RLIM: variants seen among roughly 807,000 people sequenced by gnomAD.
RLIM encodes ring finger protein, LIM domain interacting.
In RLIM, 2 loss-of-function variants were observed where a neutral mutation model predicts 34.0. That is an observed-to-expected ratio of 0.06 (90% confidence interval 0.02 to 0.19). The LOEUF (loss-of-function observed/expected upper bound fraction) is 0.19. Among genes scored for constraint, RLIM ranks in the 10% least tolerant of loss-of-function variants. The probability of loss-of-function intolerance (pLI) is 1.00; values close to 1 mark genes in which losing one functional copy is unlikely to be tolerated. For missense variants in RLIM, 286 were observed against 479.7 expected, an observed-to-expected ratio of 0.60 and a Z score of 3.77; for synonymous variants, 169 against 164.0, an observed-to-expected ratio of 1.03 and a Z score of -0.23.
rs777440051 is a variant in RLIM at position 74,594,328 on chromosome X, C to T, written c.231G>A (p.Pro77=). 2.7e-5 allele frequency: 33 copies of T among 1,206,134 alleles called. No homozygotes were observed. The South Asian group carries it at 3.8e-4, about 14-fold the overall frequency. Residue 77 remains proline, a synonymous_variant, in exon 3 of 4, where the codon CCG becomes CCA. Transcript: ENST00000332687. ...RLQQIKEGPP[P]QNSDENRGGD... ...TACCTCTATTTTCATCTGAGTTTTG[C>T]GGTGGTGGGCCTTCTTTAATTTGCT...
chrX:74,596,664 G>A (rs1010189169), intron 1 of RLIM, among the ~76,000 whole-genome samples: 1 of 112,219 alleles, frequency 8.9e-6, no homozygotes, highest in Admixed American at 9.5e-5. Context: ...TTATTGGAAC[G>A]CAGCCATACA....
In RLIM at chrX:74,592,140, G is replaced by C. The variant is rs2079618950; in HGVS notation, c.1175C>G (p.Thr392Ser). The C allele has an allele frequency of 1.7e-6, 2 of 1,209,393 alleles. No homozygotes were observed. The highest frequency in any genetic ancestry group is 3.5e-5 in the African/African-American group (2 of 57,221). ...AACAGATGTAGTCTCACTTAAACCA[G>C]TATTTAAGATTCTACGAATGGGAAT... is the stretch of plus-strand genomic sequence containing the variant. ...IRIPIRRILN[T>S]GLSETTSVAI... is the part of the protein sequence containing the mutation. The change falls in exon 4 of 4, where the codon ACT (threonine) becomes AGT (serine). Residue 392 changes from threonine (T) to serine (S), a missense_variant. Coordinates refer to ENST00000332687, the MANE Select transcript of RLIM (RefSeq NM_016120.4).
At chrX:74,603,623 T>C (rs1051583994) in intron 1 of RLIM, among the ~76,000 whole-genome samples, 6 of 111,915 alleles carry the variant, frequency 5.4e-5, no homozygotes, top group African/African-American at 2.0e-4. Context: ...GATATTTAAA[T>C]GACTGAAAGA....
chrX:74,602,721 C>T (rs1292823179), intron 1 of RLIM, among the ~76,000 whole-genome samples: 3 of 111,010 alleles, frequency 2.7e-5, no homozygotes, highest in East Asian at 2.8e-4. Context: ...TGGGAGATCC[C>T]GTCTCAAAAA....
Position 74,592,895 on chromosome X carries a change from C to T in RLIM, c.420G>A (p.Glu140=). 1 of 1,211,632 alleles carries T rather than the reference C, an allele frequency of 8.3e-7. No individual in the cohort carries two copies. The highest frequency in any genetic ancestry group is 1.1e-6 in the Non-Finnish European group (1 of 895,286). ...PNSGDFRFSL[E]INVNRNNGSQ... ...TCCCATTATTACGGTTAACATTTAT[C>T]TCTAAACTGAATCTGAAATCACCAC... The change falls in exon 4 of 4, where the codon GAG becomes GAA. Residue 140 remains glutamate, a synonymous_variant. Coordinates refer to ENST00000332687, the MANE Select transcript of RLIM (RefSeq NM_016120.4).
intron 1 of RLIM, among the ~76,000 whole-genome samples, chrX:74,599,422 C>T (rs1472628245): frequency 8.9e-6 from 1 of 111,833 alleles, no homozygotes; most frequent in Non-Finnish European, 1.9e-5. Context: ...TTATGTTCCC[C>T]ACGAACACAA....
intron 1 of RLIM, among the ~76,000 whole-genome samples, chrX:74,603,199 C>T (rs1000541957): frequency 1.8e-5 from 2 of 110,625 alleles, no homozygotes; most frequent in Non-Finnish European, 3.8e-5. Flanking sequence ...AAGCTACATA[C>T]TCCAGTGACA....
intron 1 of RLIM, among the ~76,000 whole-genome samples, chrX:74,600,776 C>T (rs767762986): frequency 2.9e-5 from 3 of 102,468 alleles, no homozygotes; most frequent in South Asian, 4.6e-4. Context: ...CTCTGGGAGG[C>T]GGAGGCAGGT....
In RLIM at chrX:74,583,105, C is replaced by T; in HGVS notation, c.*8335G>A. ...GATCAATTTTAAACAGTTGGAACAC[C>T]GGTGGCACTGTTAACTGCTTTCTGG... On this transcript the variant is annotated 3_prime_UTR_variant, in exon 4 of 4. Coordinates refer to ENST00000332687, the MANE Select transcript of RLIM (RefSeq NM_016120.4). The T allele has an allele frequency of 9.3e-6, 11 of 1,178,396 alleles. No homozygotes were observed. The highest frequency in any genetic ancestry group is 3.0e-5 in the East Asian group (1 of 33,796).
At chrX:74,599,439 T>C (rs1456798720) in intron 1 of RLIM, among the ~76,000 whole-genome samples, 3 of 111,820 alleles carry the variant, frequency 2.7e-5, no homozygotes, top group Non-Finnish European at 3.8e-5. Context: ...ACAACTAAAT[T>C]CCATGAACAT....
At position 74,588,746 on chromosome X, in the gene RLIM, G is replaced by A. The variant is rs2079598762; in HGVS notation, c.*2694C>T. 1 of 111,905 alleles carries A rather than the reference G, an allele frequency of 8.9e-6. No individual in the cohort carries two copies. Among genetic ancestry groups the A allele is most frequent in the Admixed American group, 9.5e-5 (1 of 10,501 alleles). The allele number at this position is 111,905 out of a possible 1,213,427, so 9.2% of individuals were successfully genotyped here. The stretch of plus-strand genomic sequence containing the variant: ...AAAGTGCAAAGATAGAAAATGAAAT[G>A]TAAGGTGTTTTGCAAGAAATGCTCC... On this transcript the variant is annotated 3_prime_UTR_variant, in exon 4 of 4. Coordinates refer to ENST00000332687, the MANE Select transcript of RLIM (RefSeq NM_016120.4).
intron 1 of RLIM, among the ~76,000 whole-genome samples, chrX:74,611,217 T>C (rs1192178694): frequency 1.8e-5 from 2 of 112,071 alleles, no homozygotes. Context: ...TTCTCTAATT[T>C]GTCATCCACT....
At position 74,591,901 on chromosome X, in the gene RLIM, T is replaced by C; in HGVS notation, c.1414A>G (p.Ser472Gly). The C allele has an allele frequency of 8.3e-7, 1 of 1,211,018 alleles. No homozygotes were observed. Among genetic ancestry groups the C allele is most frequent in the Non-Finnish European group, 1.1e-6 (1 of 894,913 alleles). ...CTGGAACTAGGACTGGAACTGGAACTTGAACTGGAACTGGAACTCGAACTG... is the reference window on the plus strand; with the variant it reads ...CTGGAACTAGGACTGGAACTGGAACCTGAACTGGAACTGGAACTCGAACTG... Reference protein sequence around the residue: ...SSSSSSSSSSSSSSSPSSSSG... With the variant: ...SSSSSSSSSSGSSSSPSSSSG... The change falls in exon 4 of 4, where the codon AGT becomes GGT. Residue 472 changes from serine to glycine, a missense_variant. Ser to Gly is a moderately conservative substitution (Grantham distance 56, BLOSUM62 0). Transcript: ENST00000332687.
Position 74,592,711 on chromosome X carries a change from C to A in RLIM, c.604G>T (p.Val202Phe), listed in dbSNP as rs1355619416. 1 of 1,209,981 alleles carries A rather than the reference C, an allele frequency of 8.3e-7. No homozygotes were observed. The highest frequency in any genetic ancestry group is 1.7e-5 in the African/African-American group (1 of 57,162). The change falls in exon 4 of 4, where the codon GTC (valine) becomes TTC (phenylalanine). Residue 202 changes from valine (V) to phenylalanine (F), a missense_variant. Transcript: ENST00000332687. ...ERNSTEALTE[V>F]PPTRGQRRAR... Reference sequence around the variant, plus strand: ...CTCCTCTGACCTCTGGTAGGTGGGACCTCTGTTAACGCTTCAGTTGAATTT... The same window carrying A: ...CTCCTCTGACCTCTGGTAGGTGGGAACTCTGTTAACGCTTCAGTTGAATTT...
In RLIM at chrX:74,588,899, C is replaced by T. The variant is rs1053863659; in HGVS notation, c.*2541G>A. The T allele has an allele frequency of 2.7e-5, 3 of 111,891 alleles. No homozygotes were observed. Among genetic ancestry groups the T allele is most frequent in the African/African-American group, 9.7e-5 (3 of 30,815 alleles). 9.2% of individuals were successfully genotyped at this position (111,891 alleles called of 1,213,427 possible). On this transcript the variant is annotated 3_prime_UTR_variant, in exon 4 of 4. Transcript: ENST00000332687. Reference sequence around the variant, plus strand: ...GTAAGCATGTAATAATCACGGACATCGCAAGATTAAAAATTAAGTAGCAAA... The same window carrying T: ...GTAAGCATGTAATAATCACGGACATTGCAAGATTAAAAATTAAGTAGCAAA...
chrX:74,583,157 T>C lies in RLIM; in HGVS notation c.*8283A>G. 2 of 1,190,065 alleles carry C rather than the reference T, an allele frequency of 1.7e-6. No individual in the cohort carries two copies. The highest frequency in any genetic ancestry group is 3.0e-5 in the East Asian group (1 of 33,828). On this transcript the variant is annotated 3_prime_UTR_variant, in exon 4 of 4. Coordinates refer to ENST00000332687, the MANE Select transcript of RLIM (RefSeq NM_016120.4). Reference sequence around the variant, plus strand: ...CAGTCTCTTTAGCTTGGTGGGCTTGTAGTACAGCTACAGCTTCATCAACCT... The same window carrying C: ...CAGTCTCTTTAGCTTGGTGGGCTTGCAGTACAGCTACAGCTTCATCAACCT...
chrX:74,607,583 C>T (rs2079687986), intron 1 of RLIM, among the ~76,000 whole-genome samples: 2 of 112,853 alleles, frequency 1.8e-5, no homozygotes, highest in South Asian at 7.2e-4. Flanking sequence ...ATGGCAGGTG[C>T]CTGTAATCCC....
chrX:74,592,236 C>T lies in RLIM; in HGVS notation c.1079G>A (p.Arg360Gln), dbSNP rs777427090. Residue 360 changes from arginine to glutamine, a missense_variant, in exon 4 of 4, where the codon CGA (arginine) becomes CAA (glutamine). Physicochemically the swap from Arg to Gln is conservative, Grantham distance 43 (BLOSUM62 1). Around this residue, in one of 6 missense-constraint regions of RLIM, gnomAD observed 121 missense variants for 182.4 expected, o/e 0.66. Transcript: ENST00000332687. ...TGAAAATGTACGCCTAAAACCTCCT[C>T]GTTCACTTTCATAGGTGACAGTGTT... ...PNNTVTYESE[R>Q]GGFRRTFSRS... The T allele has an allele frequency of 1.7e-6, 2 of 1,211,857 alleles. No homozygotes were observed. Among genetic ancestry groups the T allele is most frequent in the East Asian group, 3.0e-5 (1 of 33,858 alleles).
intron 1 of RLIM, among the ~76,000 whole-genome samples, chrX:74,607,826 A>T (rs1052041137): frequency 8.8e-6 from 1 of 113,042 alleles, no homozygotes; most frequent in Admixed American, 9.3e-5. Context: ...CAATGAAGAA[A>T]ATGTTAAATA....
Sources: allele counts gnomAD v4.1 joint callset (sites outside exome capture counted in the v4.1 genomes callset), GRCh38; gene constraint gnomAD v4.1.1; regional missense constraint gnomAD v4.1.1; transcripts MANE v1.5; gene names NCBI Gene and HGNC (gene_info 2026-07-23, HGNC 2026-07-21).